The following ZZEF1 variants were observed in gnomAD, a reference collection of about 807,000 sequenced individuals.
ZZEF1 encodes the protein zinc finger ZZ-type and EF-hand domain-containing protein 1.
A neutral mutation model predicts 342.8 loss-of-function variants in ZZEF1; 157 were observed. The observed-to-expected ratio is 0.46, with a 90% CI of 0.40 to 0.52. The LOEUF (loss-of-function observed/expected upper bound fraction) is 0.52. Among genes scored for constraint, ZZEF1 ranks in the 20% least tolerant of loss-of-function variants. ZZEF1 has a pLI of 0.00. For synonymous variants in ZZEF1, 1,505 were observed against 1,429.1 expected, an observed-to-expected ratio of 1.05 and a Z score of -1.20; for missense variants, 3,480 against 3,725.6, an observed-to-expected ratio of 0.93 and a Z score of 1.72.
chr17:4,020,953 G>C (rs568502961), intron 45 of ZZEF1, among the ~76,000 whole-genome samples, 176 bp downstream of exon 45: 27 of 152,286 alleles, frequency 1.8e-4, no homozygotes, highest in African/African-American at 6.5e-4. Flanking sequence ...ATTGTTGTGG[G>C]GCTTTTCTGT....
Position 4,142,858 on chromosome 17 carries a change from G to A in ZZEF1, c.38C>T (p.Ala13Val), listed in dbSNP as rs1296298655. 6 of 1,393,986 alleles carry A rather than the reference G, an allele frequency of 4.3e-6. No individual in the cohort carries two copies. The South Asian group carries it at 4.9e-5, about 11-fold the overall frequency. The allele number at this position is 1,393,986 out of a possible 1,614,324, so 86.4% of individuals were successfully genotyped here. The change falls in exon 1 of 55, where the codon GCG (alanine) becomes GTG (valine). Residue 13 changes from alanine (A) to valine (V), a missense_variant. Physicochemically the swap from Ala to Val is moderately conservative, Grantham distance 64. Transcript: ENST00000381638. ...CCAGCCCTCGCCACCGGCAGCTGCC[G>A]CTTCGTCTTCACTGCTGTGACTCGG... ...NAPSHSSEDEAAAAGGEGWGP... is the reference protein window; with the variant it reads ...NAPSHSSEDEVAAAGGEGWGP...
intron 1 of ZZEF1, 127 bp from the exon 2 acceptor site, chr17:4,124,178 A>G (rs1261273240): frequency 3.4e-6 from 4 of 1,185,622 alleles, no homozygotes; most frequent in Admixed American, 3.0e-5. Context: ...AGAAGAGTCC[A>G]TATGTATCAA....
At chr17:4,034,601 C>G (rs1195959408) in intron 39 of ZZEF1, among the ~76,000 whole-genome samples, 1 of 152,178 alleles carries the variant, frequency 6.6e-6, no homozygotes, top group Admixed American at 6.5e-5. Flanking sequence ...AGTTAAAGCT[C>G]CCCTAAATCC....
At chr17:4,030,027 TAA>T (rs66993338) in intron 42 of ZZEF1, among the ~76,000 whole-genome samples, 186 of 130,936 alleles carry the variant, frequency 1.4e-3, no homozygotes, top group African/African-American at 3.9e-3. Flanking sequence ...GAGATCCTAT[TAA>T]AAAAAAAAAA....
chr17:4,122,423 G>A (rs1396635729), intron 2 of ZZEF1, among the ~76,000 whole-genome samples: 1 of 151,344 alleles, frequency 6.6e-6, no homozygotes, highest in Non-Finnish European at 1.5e-5. Context: ...TTGTTGCCCA[G>A]GCTGGAGTGC....
chr17:4,112,491 A>ACTT, intron 5 of ZZEF1, 118 bp downstream of exon 5: 2 of 1,000,416 alleles, frequency 2.0e-6, no homozygotes, highest in Non-Finnish European at 3.1e-6. Flanking sequence ...AATAATGAAC[A>ACTT]CTTTTGTGTA....
chr17:4,013,041 G>C (rs2144935380), intron 52 of ZZEF1, among the ~76,000 whole-genome samples: 1 of 149,970 alleles, frequency 6.7e-6, no homozygotes, highest in South Asian at 2.1e-4. Flanking sequence ...TTGATCTACA[G>C]TCGCACCACA....
Position 4,017,496 on chromosome 17 carries a change from G to A in ZZEF1, c.7876C>T (p.Leu2626=). The A allele has an allele frequency of 6.2e-7, 1 of 1,614,266 alleles. No homozygotes were observed. The change falls in exon 48 of 55, where the codon CTG becomes TTG. Residue 2626 remains leucine, a synonymous_variant. Transcript: ENST00000381638. This position sits in a 1 kb window ranked among gnomAD's most constrained non-coding sequence, Gnocchi z 5.1. ...VLYARHVLAS[L]LAEWPSHVPV... ...ACGTGGCTAGGCCACTCGGCGAGCA[G>A]GGATGCAAGCACGTGGCGGGCGTAC... is the stretch of plus-strand genomic sequence containing the variant.
intron 18 of ZZEF1, among the ~76,000 whole-genome samples, chr17:4,080,334 TTTTG>T (rs151310316): frequency 4.7e-3 from 206 of 44,224 alleles, no homozygotes; most frequent in Non-Finnish European, 0.012. Context: ...TTTTTTTGTT[TTTTG>T]TTTGTTTGTT....
intron 1 of ZZEF1, among the ~76,000 whole-genome samples, chr17:4,132,269 G>A (rs937043549): frequency 2.0e-5 from 3 of 150,334 alleles, no homozygotes; most frequent in Admixed American, 6.6e-5. Flanking sequence ...CTTCAACCTC[G>A]GCCTCCAGAG....
intron 30 of ZZEF1, among the ~76,000 whole-genome samples, chr17:4,060,363 A>G (rs899119243): frequency 3.3e-5 from 5 of 152,150 alleles, no homozygotes; most frequent in Non-Finnish European, 7.4e-5. Flanking sequence ...TCAGGAGTTC[A>G]AGACCAGCCT....
chr17:4,059,099 G>C, intron 31 of ZZEF1, 72 bp downstream of exon 31: 1 of 1,316,594 alleles, frequency 7.6e-7, no homozygotes, highest in East Asian at 2.7e-5. Flanking sequence ...TTTTGACAGT[G>C]AACATATATT....
At position 4,072,651 on chromosome 17, in the gene ZZEF1, A is replaced by C; in HGVS notation, c.3791T>G (p.Leu1264Ter). Residue 1264 changes from leucine (L) to a stop codon, truncating the protein, a stop_gained, in exon 25 of 55, where the codon TTA (leucine) becomes TGA (stop). Coordinates refer to ENST00000381638, the MANE Select transcript of ZZEF1 (RefSeq NM_015113.4). LOFTEE classifies it high-confidence loss of function. ...TGGGTGAGTGGGCCAGCTTGCTTCT[A>C]ATTCCAACTCTGGACAAACCTGATG... Reference protein sequence around the residue: ...FRHQVCPELELEASWPTHPHR... With the variant: ...FRHQVCPELE 1 of 1,614,042 alleles carries C rather than the reference A, an allele frequency of 6.2e-7. No individual in the cohort carries two copies. Among genetic ancestry groups the C allele is most frequent in the Non-Finnish European group, 8.5e-7 (1 of 1,179,930 alleles).
chr17:4,016,696 T>C lies in ZZEF1; in HGVS notation c.8002-230A>G, dbSNP rs756277155. The C allele has an allele frequency of 4.2e-6, 2 of 479,998 alleles. No individual in the cohort carries two copies. Among genetic ancestry groups the C allele is most frequent in the Non-Finnish European group, 7.3e-6 (2 of 272,994 alleles). The allele number at this position is 479,998 out of a possible 1,614,324, so 29.7% of individuals were successfully genotyped here. The stretch of plus-strand genomic sequence containing the variant: ...CTTTCAGAATGATGCTACTTAGAGG[T>C]GGTCTGAAAGAACTAACTGAACCAA... On this transcript the variant is annotated intron_variant, in intron 48 of 54. Transcript: ENST00000381638. This position sits in a 1 kb window ranked among gnomAD's most constrained non-coding sequence, Gnocchi z 4.4.
At chr17:4,132,450 G>A (rs1162129753) in intron 1 of ZZEF1, among the ~76,000 whole-genome samples, 2 of 152,166 alleles carry the variant, frequency 1.3e-5, no homozygotes, top group Non-Finnish European at 2.9e-5. Flanking sequence ...TGTAATCCCA[G>A]CACTTTGGGA....
intron 42 of ZZEF1, among the ~76,000 whole-genome samples, chr17:4,028,338 A>G (rs186977887): frequency 1.1e-3 from 165 of 152,284 alleles, no homozygotes; most frequent in Non-Finnish European, 1.9e-3. Flanking sequence ...CACCTGACTC[A>G]GGAGTTCAAG....
At chr17:4,081,144 G>A (rs1315957439) in intron 18 of ZZEF1, among the ~76,000 whole-genome samples, 1 of 152,108 alleles carries the variant, frequency 6.6e-6, no homozygotes, top group Non-Finnish European at 1.5e-5. Context: ...GACTGAGGTG[G>A]GAGGACTGCT....
chr17:4,006,787 G>A lies in ZZEF1; in HGVS notation c.*103C>T, dbSNP rs920982289. ...CTAACTGGAGTGGTCAGCTCAAGGA[G>A]AGCTGGGCACTGGCGCTACAGGAGT... On this transcript the variant is annotated 3_prime_UTR_variant, in exon 55 of 55. Coordinates refer to ENST00000381638, the MANE Select transcript of ZZEF1 (RefSeq NM_015113.4). 1.6e-6 allele frequency: 2 copies of A among 1,273,474 alleles called. No individual in the cohort carries two copies. Among genetic ancestry groups the A allele is most frequent in the African/African-American group, 1.5e-5 (1 of 67,608 alleles). 78.9% of individuals were successfully genotyped at this position (1,273,474 alleles called of 1,614,324 possible). A position where few individuals can be genotyped will look rare whatever the true frequency, so the allele number is the denominator to read the frequency against.
At chr17:4,038,546 T>C (rs2056726630) in intron 39 of ZZEF1, among the ~76,000 whole-genome samples, 1 of 152,218 alleles carries the variant, frequency 6.6e-6, no homozygotes, top group Non-Finnish European at 1.5e-5. Context: ...GGCTCACGCC[T>C]GTCATTCCAG....
Sources: gnomAD v4.1 joint callset for allele counts (sites outside exome capture counted in the v4.1 genomes callset) on GRCh38, gnomAD v4.1.1 for gene constraint, Gnocchi (gnomAD v3.1) non-coding constraint, MANE v1.5 for transcripts, NCBI Gene and HGNC (gene_info 2026-07-23, HGNC 2026-07-21) for gene names.